Variants in IL22RA1 observed in about 807,000 individuals in gnomAD.
The protein encoded by IL22RA1 is interleukin 22 receptor subunit alpha 1.
IL22RA1 carries 25 observed loss-of-function variants against 32.8 expected under a neutral mutation model. The ratio of observed to expected loss-of-function variants is 0.76; its 90% CI spans 0.55 to 1.06. The LOEUF (loss-of-function observed/expected upper bound fraction) is 1.06, where lower values mean the gene tolerates loss of function less well. Among genes scored for constraint, IL22RA1 ranks in the 50% least tolerant of loss-of-function variants. IL22RA1 has a pLI of 0.00. For synonymous variants in IL22RA1, 305 were observed against 305.0 expected, an observed-to-expected ratio of 1.00 and a Z score of 0.00; for missense variants, 709 against 727.4, an observed-to-expected ratio of 0.97 and a Z score of 0.29.
chr1:24,130,976 A>T (rs1039019941), intron 4 of IL22RA1, among the ~76,000 whole-genome samples: 1 of 152,230 alleles, frequency 6.6e-6, no homozygotes, highest in African/African-American at 2.4e-5. Flanking sequence ...AAGTGCTGGG[A>T]TTACAGGCGT....
chr1:24,133,002 C>A (rs564467329), intron 4 of IL22RA1, among the ~76,000 whole-genome samples: 1 of 151,760 alleles, frequency 6.6e-6, no homozygotes, highest in South Asian at 2.1e-4. Context: ...AACTTCTCTT[C>A]GTTCCCTCAT....
intron 5 of IL22RA1, 116 bp downstream of exon 5, chr1:24,128,025 C>A (rs1000780198): frequency 4.3e-5 from 45 of 1,046,476 alleles, no homozygotes; most frequent in Non-Finnish European, 5.9e-5. Context: ...ACACTGATAA[C>A]CCTTCCATGG....
chr1:24,135,625 G>T (rs1383170017), intron 3 of IL22RA1, among the ~76,000 whole-genome samples: 1 of 152,156 alleles, frequency 6.6e-6, no homozygotes, highest in Non-Finnish European at 1.5e-5. Context: ...CTGACTCACA[G>T]TTCCACATGG....
chr1:24,129,117 A>G (rs1644185669), intron 4 of IL22RA1, among the ~76,000 whole-genome samples: 1 of 152,138 alleles, frequency 6.6e-6, no homozygotes, highest in Non-Finnish European at 1.5e-5. Context: ...TTTTTGACCC[A>G]GAACTCCTCT....
chr1:24,121,758 T>G, intron 6 of IL22RA1, 21 bp from the exon 7 acceptor site: 1 of 1,461,500 alleles, frequency 6.8e-7, no homozygotes, highest in South Asian at 1.5e-5. Context: ...ACGACAACAG[T>G]CACCCCCCTG....
rs56091453 is a variant in IL22RA1, at chr1:24,128,530, C to CATATATATATAT, written c.532-263_532-252dup. On this transcript the variant is annotated intron_variant, in intron 4 of 6. Coordinates refer to ENST00000270800, the MANE Select transcript of IL22RA1 (RefSeq NM_021258.4). ...ACACACTATATAATGTGGTTATATA[C>CATATATATATAT]ATATATATATATATATATAAAATGT... is the stretch of plus-strand genomic sequence containing the variant. Among the ~76,000 whole-genome samples, 74 of 147,772 alleles carry CATATATATATAT rather than the reference C, an allele frequency of 5.0e-4. 1 individual carries two copies. Among genetic ancestry groups the CATATATATATAT allele is most frequent in the South Asian group, 4.3e-4 (2 of 4,622 alleles).
intron 1 of IL22RA1, among the ~76,000 whole-genome samples, chr1:24,139,602 T>A (rs1569584524): frequency 6.6e-6 from 1 of 152,300 alleles, no homozygotes; most frequent in East Asian, 1.9e-4. Flanking sequence ...GGCGTGATCA[T>A]GGCTCACTGC....
intron 4 of IL22RA1, among the ~76,000 whole-genome samples, chr1:24,131,250 T>C (rs1371614109): frequency 6.6e-6 from 1 of 151,390 alleles, no homozygotes; most frequent in East Asian, 1.9e-4. Context: ...GAGAATTAGA[T>C]AGTGGTGATG....
intron 4 of IL22RA1, among the ~76,000 whole-genome samples, chr1:24,133,314 A>G (rs558086130): frequency 2.2e-4 from 34 of 152,038 alleles, no homozygotes; most frequent in Non-Finnish European, 4.9e-4. Flanking sequence ...CTGTGCTGAC[A>G]TCCTGCCCCA....
rs1037788867 is a variant in IL22RA1, at chr1:24,142,978, T to C, written c.43+62A>G. On this transcript the variant is annotated intron_variant, in intron 1 of 6. Coordinates refer to ENST00000270800, the MANE Select transcript of IL22RA1 (RefSeq NM_021258.4). ...CGGGCTGGGGAGGGTGCTGGGGAGA[T>C]GACCCTGATCGTTGGCCCCTGGGAT... 2.7e-6 allele frequency: 4 copies of C among 1,490,992 alleles called. No individual in the cohort carries two copies. In the East Asian group the frequency reaches 6.9e-5, roughly 26 times the overall value. The allele number at this position is 1,490,992 out of a possible 1,614,324, so 92.4% of individuals were successfully genotyped here.
At chr1:24,123,756 G>A (rs1644142981) in intron 5 of IL22RA1, among the ~76,000 whole-genome samples, 2 of 152,212 alleles carry the variant, frequency 1.3e-5, no homozygotes, top group African/African-American at 4.8e-5. Flanking sequence ...GGGAGGTACA[G>A]GGAAAGCCCG....
At position 24,119,909 on chromosome 1, in the gene IL22RA1, T is replaced by C. The variant is rs1644107414; in HGVS notation, c.*896A>G. The C allele has an allele frequency of 6.6e-6, 1 of 152,198 alleles. No individual in the cohort carries two copies. Among genetic ancestry groups the C allele is most frequent in the Non-Finnish European group, 1.5e-5 (1 of 68,044 alleles). The allele number at this position is 152,198 out of a possible 1,614,324, so 9.4% of individuals were successfully genotyped here. On this transcript the variant is annotated 3_prime_UTR_variant, in exon 7 of 7. Coordinates refer to ENST00000270800, the MANE Select transcript of IL22RA1 (RefSeq NM_021258.4). ...CACATTACAGATGAGGAAACCGAGGTTCTGGGCACTGATTTCATTTGTTTG... is the reference window on the plus strand; with the variant it reads ...CACATTACAGATGAGGAAACCGAGGCTCTGGGCACTGATTTCATTTGTTTG...
rs201599737 is a variant in IL22RA1, at chr1:24,138,639, G to A, written c.119C>T (p.Thr40Met). 14 of 1,614,020 alleles carry A rather than the reference G, an allele frequency of 8.7e-6. No individual in the cohort carries two copies. The highest frequency in any genetic ancestry group is 1.6e-4 in the Middle Eastern group (1 of 6,084). ...GGTGCCCTCCGGCCCGCTGTCCCAC[G>A]TCAGGATGTTTTCAAAGTTGCTGGA... ...FQSSNFENIL[T>M]WDSGPEGTPD... The change falls in exon 2 of 7, where the codon ACG (threonine) becomes ATG (methionine). Residue 40 changes from threonine (T) to methionine (M), a missense_variant. By Grantham distance (81) the Thr-to-Met change is moderately conservative (BLOSUM62 -1). Transcript: ENST00000270800.
In IL22RA1 at chr1:24,121,489, G is replaced by T. The variant is rs753748476; in HGVS notation, c.1041C>A (p.Ser347=). The T allele has an allele frequency of 1.3e-6, 2 of 1,569,696 alleles. No individual in the cohort carries two copies. Among genetic ancestry groups the T allele is most frequent in the Admixed American group, 1.8e-5 (1 of 57,012 alleles). The change falls in exon 7 of 7, where the codon TCC becomes TCA. Residue 347 remains serine (S), a synonymous_variant. Transcript: ENST00000270800. ...CAGCGTTTGGGGCATAGGACAGTGGGGAGAGGATCTGGGGAGGTGGCACGT... is the reference window on the plus strand; with the variant it reads ...CAGCGTTTGGGGCATAGGACAGTGGTGAGAGGATCTGGGGAGGTGGCACGT... The part of the protein sequence containing the change: ...PSNVPPPQIL[S]PLSYAPNAAP...
rs1248210771 is a variant in IL22RA1, at chr1:24,120,762, T to C, written c.*43A>G. 3 of 1,514,318 alleles carry C rather than the reference T, an allele frequency of 2.0e-6. No homozygotes were observed. Among genetic ancestry groups the C allele is most frequent in the Non-Finnish European group, 2.7e-6 (3 of 1,122,390 alleles). The allele number at this position is 1,514,318 out of a possible 1,614,324, so 93.8% of individuals were successfully genotyped here. On this transcript the variant is annotated 3_prime_UTR_variant, in exon 7 of 7. Transcript: ENST00000270800. ...GGATTGACAGCCAAGGATGTGACACTGGGTAGGGACAGGGAGGAAGCACCA... is the reference window on the plus strand; with the variant it reads ...GGATTGACAGCCAAGGATGTGACACCGGGTAGGGACAGGGAGGAAGCACCA...
chr1:24,124,539 G>T (rs755679465), intron 5 of IL22RA1, among the ~76,000 whole-genome samples: 1 of 152,142 alleles, frequency 6.6e-6, no homozygotes, highest in Non-Finnish European at 1.5e-5. Flanking sequence ...AAAACTGACA[G>T]TTTGCAACAG....
chr1:24,142,809 G>A (rs1373563545), intron 1 of IL22RA1, among the ~76,000 whole-genome samples: 2 of 152,182 alleles, frequency 1.3e-5, no homozygotes, highest in East Asian at 1.9e-4. Context: ...CTCAAGACCC[G>A]AGGGTCCTTT....
chr1:24,136,724 A>T (rs1370732263), intron 3 of IL22RA1, among the ~76,000 whole-genome samples: 2 of 152,186 alleles, frequency 1.3e-5, no homozygotes, highest in Non-Finnish European at 2.9e-5. Context: ...TTGTAGAGTC[A>T]TGAGAAGCTG....
At chr1:24,134,738 A>G (rs1307686642) in intron 3 of IL22RA1, 1 of 605,700 alleles carries the variant, frequency 1.7e-6, no homozygotes, top group Non-Finnish European at 2.1e-6. Flanking sequence ...TCATCTATTG[A>G]GTATGACAGC....
Sources: allele counts gnomAD v4.1 joint callset (sites outside exome capture counted in the v4.1 genomes callset), GRCh38; gene constraint gnomAD v4.1.1; transcripts MANE v1.5; gene names NCBI Gene and HGNC (gene_info 2026-07-23, HGNC 2026-07-21).